The following TRIM9 variants were observed in gnomAD, a reference collection of about 807,000 sequenced individuals.
TRIM9 encodes the protein tripartite motif containing 9.
A neutral mutation model predicts 78.3 loss-of-function variants in TRIM9; 26 were observed. The ratio of observed to expected loss-of-function variants is 0.33; its 90% CI spans 0.24 to 0.46. TRIM9 has a LOEUF of 0.46. TRIM9 is among the 20% of genes least tolerant of loss of function. TRIM9 has a pLI of 1.00. For synonymous variants in TRIM9, 398 were observed against 416.5 expected, an observed-to-expected ratio of 0.96 and a Z score of 0.54; for missense variants, 787 against 1,036.4, an observed-to-expected ratio of 0.76 and a Z score of 3.30.
intron 1 of TRIM9, among the ~76,000 whole-genome samples, chr14:51,092,415 G>A (rs1213719304): frequency 1.3e-5 from 2 of 152,124 alleles, no homozygotes; most frequent in Non-Finnish European, 2.9e-5. Context: ...TTTTCTTGCT[G>A]TAAACAAAAT....
chr14:51,031,147 CAA>C (rs1210514761), intron 1 of TRIM9, among the ~76,000 whole-genome samples: 2 of 100,760 alleles, frequency 2.0e-5, no homozygotes, highest in African/African-American at 8.1e-5. Flanking sequence ...AAACTCTTTC[CAA>C]AAAAAAAAAA....
intron 5 of TRIM9, among the ~76,000 whole-genome samples, chr14:51,005,257 A>T (rs1010451499): frequency 6.6e-6 from 1 of 152,128 alleles, no homozygotes; most frequent in Non-Finnish European, 1.5e-5. Context: ...TTCAGATCAC[A>T]CTGTCCTTGC....
At chr14:51,070,735 C>G (rs1419223245) in intron 1 of TRIM9, among the ~76,000 whole-genome samples, 1 of 152,090 alleles carries the variant, frequency 6.6e-6, no homozygotes, top group Non-Finnish European at 1.5e-5. Context: ...AGTGGATAAA[C>G]CAAAGATAGA....
At chr14:51,088,957 C>G (rs185128051) in intron 1 of TRIM9, 1 of 148,150 alleles carries the variant, frequency 6.7e-6, no homozygotes, top group African/African-American at 2.5e-5. Flanking sequence ...TTGCAAGTGG[C>G]AGGAAACCAA....
At chr14:50,978,766 GTT>G (rs201835548) in intron 12 of TRIM9, 76 of 327,474 alleles carry the variant, frequency 2.3e-4, no homozygotes, top group Non-Finnish European at 3.0e-4. Context: ...CTGTTTTTTT[GTT>G]TTTTTTTTTC....
At chr14:50,997,748 C>G in intron 7 of TRIM9, 1 of 1,317,448 alleles carries the variant, frequency 7.6e-7, no homozygotes, top group African/African-American at 1.5e-5. Context: ...GTCTTACACA[C>G]CAGGGGCACA....
At position 51,093,347 on chromosome 14, in the gene TRIM9, T is replaced by C. The variant is rs572464013; in HGVS notation, c.822+771A>G. ...AATTCCGGAGAAGTGGGTGTGTGTA[T>C]AGTTGGGAGGAGAAGGTTTCCCTAG... On this transcript the variant is annotated intron_variant, in intron 1 of 12. Transcript: ENST00000684578. 1.3e-4 allele frequency among the ~76,000 whole-genome samples: 20 copies of C among 152,308 alleles called. No individual in the cohort carries two copies. The East Asian group carries it at 3.5e-3, about 27-fold the overall frequency.
At chr14:51,033,231 TACAGGTGTGTGCCACC>T (rs1410746221) in intron 1 of TRIM9, among the ~76,000 whole-genome samples, 3 of 152,174 alleles carry the variant, frequency 2.0e-5, no homozygotes, top group African/African-American at 4.8e-5. Context: ...TAGCTGGGAC[TACAGGTGTGTGCCACC>T]ACACCTGGCT....
intron 1 of TRIM9, among the ~76,000 whole-genome samples, chr14:51,042,426 G>A (rs1405658889): frequency 2.0e-5 from 3 of 152,122 alleles, no homozygotes; most frequent in Non-Finnish European, 4.4e-5. Flanking sequence ...TCCTTTCAGT[G>A]AAATTCACTC....
rs892279559 is a variant in TRIM9, at chr14:50,993,349, C to T, written c.1603+4701G>A. On this transcript the variant is annotated intron_variant, in intron 7 of 12. Coordinates refer to ENST00000684578, the MANE Select transcript of TRIM9 (RefSeq NM_001387360.1). ...CTCCCACATCTTCTTAAAGCTGGAACGCTACTCTTTTCAACAAGACTCTTT... is the reference window on the plus strand; with the variant it reads ...CTCCCACATCTTCTTAAAGCTGGAATGCTACTCTTTTCAACAAGACTCTTT... Among the ~76,000 whole-genome samples the T allele has an allele frequency of 2.0e-4, 31 of 151,624 alleles. 1 individual carries two copies. The highest frequency in any genetic ancestry group is 3.2e-3 in the Middle Eastern group (1 of 314).
At chr14:51,022,392 C>A (rs759664148) in intron 3 of TRIM9, among the ~76,000 whole-genome samples, 40 of 152,156 alleles carry the variant, frequency 2.6e-4, no homozygotes, top group Non-Finnish European at 4.0e-4. Flanking sequence ...GAAGGCCCCA[C>A]CAGAAGCCAA....
intron 3 of TRIM9, among the ~76,000 whole-genome samples, chr14:51,019,303 C>G (rs1214072399): frequency 6.6e-6 from 1 of 152,228 alleles, no homozygotes; most frequent in Non-Finnish European, 1.5e-5. Context: ...CTTCTTCCCT[C>G]AGTAGCTTTC....
chr14:51,048,015 C>A (rs1227276776), intron 1 of TRIM9, among the ~76,000 whole-genome samples: 2 of 151,850 alleles, frequency 1.3e-5, no homozygotes, highest in Non-Finnish European at 2.9e-5. Flanking sequence ...AAATGCCCTC[C>A]TTTAGGTATG....
At chr14:51,025,188 G>C in intron 2 of TRIM9, 77 bp downstream of exon 2, 16 of 1,276,690 alleles carry the variant, frequency 1.3e-5, no homozygotes, top group Non-Finnish European at 1.5e-5. Context: ...AAAAATAAAA[G>C]AGGAGAAGGA....
intron 7 of TRIM9, chr14:50,996,883 A>G (rs1336506470): frequency 2.0e-6 from 2 of 985,280 alleles, no homozygotes; most frequent in African/African-American, 3.5e-5. Context: ...TCCCCAAAGC[A>G]CTGTTTTCAC....
intron 1 of TRIM9, among the ~76,000 whole-genome samples, chr14:51,063,240 T>C (rs535279671): frequency 2.0e-5 from 3 of 152,290 alleles, no homozygotes; most frequent in Non-Finnish European, 4.4e-5. Flanking sequence ...CTTAACAATA[T>C]ACTGGAGTAG....
At position 51,032,158 on chromosome 14, in the gene TRIM9, G is replaced by T. The variant is rs142718893; in HGVS notation, c.823-6798C>A. On this transcript the variant is annotated intron_variant, in intron 1 of 12. Transcript: ENST00000684578. ...CTTTGAACCACAAAAAAATGTATCAGACATGCCATTATTCCATCAGATAGT... is the reference window on the plus strand; with the variant it reads ...CTTTGAACCACAAAAAAATGTATCATACATGCCATTATTCCATCAGATAGT... Among the ~76,000 whole-genome samples, 302 of 152,274 alleles carry T rather than the reference G, an allele frequency of 2.0e-3. 1 individual carries two copies. The highest frequency in any genetic ancestry group is 3.3e-3 in the Non-Finnish European group (224 of 68,020).
chr14:51,048,058 T>G (rs1035172928), intron 1 of TRIM9, among the ~76,000 whole-genome samples: 1 of 152,202 alleles, frequency 6.6e-6, no homozygotes, highest in African/African-American at 2.4e-5. Context: ...AATTAATAGC[T>G]TGCTCCAAGG....
intron 1 of TRIM9, among the ~76,000 whole-genome samples, chr14:51,061,373 A>C (rs948118458): frequency 6.6e-6 from 1 of 150,678 alleles, no homozygotes; most frequent in Non-Finnish European, 1.5e-5. Context: ...AGATCACACC[A>C]TTGCATTCCA....
Sources: allele counts gnomAD v4.1 joint callset (sites outside exome capture counted in the v4.1 genomes callset), GRCh38; gene constraint gnomAD v4.1.1; transcripts MANE v1.5; gene names NCBI Gene and HGNC (gene_info 2026-07-23, HGNC 2026-07-21).